The following ATP8B4 variants were observed in gnomAD, a reference collection of about 807,000 sequenced individuals.
ATP8B4 encodes probable phospholipid-transporting ATPase IM.
ATP8B4 carries 133 observed loss-of-function variants against 145.6 expected under a neutral mutation model. The ratio of observed to expected loss-of-function variants is 0.91; its 90% CI spans 0.79 to 1.05. The LOEUF (loss-of-function observed/expected upper bound fraction) is 1.05, where lower values mean the gene tolerates loss of function less well. ATP8B4 is among the 50% of genes least tolerant of loss of function. The probability of loss-of-function intolerance (pLI) is 0.00; values close to 1 mark genes in which losing one functional copy is unlikely to be tolerated. For synonymous variants in ATP8B4, 507 were observed against 492.9 expected (o/e 1.03, Z -0.38); for missense variants, 1,458 against 1,425.2 (o/e 1.02, Z -0.37).
At chr15:49,963,080 C>T (rs775099292) in intron 13 of ATP8B4, among the ~76,000 whole-genome samples, 25 of 151,694 alleles carry the variant, frequency 1.6e-4, no homozygotes, top group African/African-American at 2.4e-4. Flanking sequence ...AGAAAAAACC[C>T]GACAACCGCC....
In ATP8B4 at chr15:49,917,022, C is replaced by G; in HGVS notation, c.2053G>C (p.Gly685Arg). 1 of 1,613,880 alleles carries G rather than the reference C, an allele frequency of 6.2e-7. No homozygotes were observed. Residue 685 changes from glycine to arginine, a missense_variant, in exon 20 of 28, where the codon GGT becomes CGT. Coordinates refer to ENST00000284509, the MANE Select transcript of ATP8B4 (RefSeq NM_024837.4). ...GDKQETAINI[G>R]YACNMLTDDM... is the part of the protein sequence containing the mutation. ...TCAGTCAGCATGTTGCAGGCATAACCGATGTTGATGGCAGTTTCTAACACA... is the reference window on the plus strand; with the variant it reads ...TCAGTCAGCATGTTGCAGGCATAACGGATGTTGATGGCAGTTTCTAACACA...
At chr15:50,101,083 T>C (rs1288906183) in intron 2 of ATP8B4, among the ~76,000 whole-genome samples, 1 of 151,868 alleles carries the variant, frequency 6.6e-6, no homozygotes, top group Non-Finnish European at 1.5e-5. Flanking sequence ...TAAAAGAAAA[T>C]AAAGGAATTA....
At chr15:49,962,153 T>C (rs941470041) in intron 13 of ATP8B4, 133 bp from the exon 14 acceptor site, 2 of 667,968 alleles carry the variant, frequency 3.0e-6, no homozygotes, top group African/African-American at 1.9e-5. Flanking sequence ...AACAGGCGAA[T>C]GGTTTTAGGA....
chr15:50,077,238 G>A (rs1600224729), intron 2 of ATP8B4, among the ~76,000 whole-genome samples: 1 of 152,208 alleles, frequency 6.6e-6, no homozygotes, highest in African/African-American at 2.4e-5. Flanking sequence ...TGTTTAAAGT[G>A]GACTAAAAGA....
intron 21 of ATP8B4, among the ~76,000 whole-genome samples, chr15:49,900,615 A>G (rs2037914682): frequency 1.3e-5 from 2 of 152,224 alleles, no homozygotes; most frequent in Admixed American, 1.3e-4. Context: ...ATTGCTGTAA[A>G]ATGCTGCTAT....
chr15:50,113,816 G>A (rs1445439200), intron 1 of ATP8B4, among the ~76,000 whole-genome samples: 3 of 109,136 alleles, frequency 2.7e-5, no homozygotes, highest in Non-Finnish European at 5.0e-5. Flanking sequence ...TCCAGCCCGG[G>A]CAACAACACG....
intron 1 of ATP8B4, among the ~76,000 whole-genome samples, chr15:50,138,891 G>A (rs1039660460): frequency 3.9e-5 from 6 of 152,240 alleles, no homozygotes; most frequent in South Asian, 2.1e-4. Context: ...CTTAATTGCC[G>A]GTATAGGGGA....
At chr15:49,943,381 C>T (rs1157522023) in intron 14 of ATP8B4, among the ~76,000 whole-genome samples, 2 of 149,104 alleles carry the variant, frequency 1.3e-5, no homozygotes, top group Non-Finnish European at 3.0e-5. Context: ...CCAAAGATCA[C>T]CAAATTAAAT....
rs537511713 is a variant in ATP8B4 at position 50,116,740 on chromosome 15, C to T, written c.-43+2383G>A. ...TGTGGCCCTCCCTCTGTGACCTTTT[C>T]CCCTAGGCATCTAGTACAGTGCCCG... On this transcript the variant is annotated intron_variant, in intron 1 of 27. Coordinates refer to ENST00000284509, the MANE Select transcript of ATP8B4 (RefSeq NM_024837.4). Among the ~76,000 whole-genome samples the T allele has an allele frequency of 8.5e-5, 13 of 152,154 alleles. No individual in the cohort carries two copies. The East Asian group carries it at 2.3e-3, about 27-fold the overall frequency.
intron 6 of ATP8B4, among the ~76,000 whole-genome samples, chr15:50,032,547 T>A (rs537664949): frequency 6.6e-6 from 1 of 152,278 alleles, no homozygotes; most frequent in East Asian, 1.9e-4. Context: ...TGGGCAAATA[T>A]CCAGTAATGG....
chr15:49,881,660 C>A (rs2035442414), intron 23 of ATP8B4, among the ~76,000 whole-genome samples: 1 of 152,182 alleles, frequency 6.6e-6, no homozygotes, highest in African/African-American at 2.4e-5. Context: ...AGTCAGGCAA[C>A]CATGAGAACA....
At chr15:49,879,664 T>A in intron 23 of ATP8B4, 1 of 515,482 alleles carries the variant, frequency 1.9e-6, no homozygotes, top group Non-Finnish European at 3.4e-6. Context: ...AGTTTCTTTA[T>A]CTCTAAAGTG....
At chr15:50,158,045 G>A (rs533247299) in intron 1 of ATP8B4, among the ~76,000 whole-genome samples, 4 of 152,334 alleles carry the variant, frequency 2.6e-5, no homozygotes, top group Middle Eastern at 3.4e-3. Context: ...ACGGAGTCTC[G>A]TTCACTCAGT....
At position 49,954,288 on chromosome 15, in the gene ATP8B4, C is replaced by T. The variant is rs765258816; in HGVS notation, c.1287+7689G>A. ...ATACATATATCCTATTAGTTCTGTC[C>T]CTCTAGAGAACCCTGACTAATACAG... On this transcript the variant is annotated intron_variant, in intron 14 of 27. Transcript: ENST00000284509. 3.1e-4 allele frequency among the ~76,000 whole-genome samples: 47 copies of T among 151,898 alleles called. 1 individual carries two copies. The highest frequency in any genetic ancestry group is 3.2e-4 in the Non-Finnish European group (22 of 67,972).
intron 1 of ATP8B4, among the ~76,000 whole-genome samples, chr15:50,168,495 A>G (rs1174273477): frequency 6.6e-6 from 1 of 152,194 alleles, no homozygotes; most frequent in Non-Finnish European, 1.5e-5. Context: ...CGAGTGAAAT[A>G]CAGGGGTAGA....
Position 49,897,421 on chromosome 15 carries a change from C to G in ATP8B4, c.2568G>C (p.Arg856Ser), listed in dbSNP as rs761687861. 9 of 1,613,902 alleles carry G rather than the reference C, an allele frequency of 5.6e-6. No homozygotes were observed. Among genetic ancestry groups the G allele is most frequent in the South Asian group, 5.5e-5 (5 of 91,056 alleles). Residue 856 changes from arginine (R) to serine (S), a missense_variant, in exon 23 of 28, where the codon AGG becomes AGC. Coordinates refer to ENST00000284509, the MANE Select transcript of ATP8B4 (RefSeq NM_024837.4). ...YSFAQFRYLQ[R>S]LLLVHGRWSY... Reference sequence around the variant, plus strand: ...ACCACCTTCCATGAACAAGGAGAAGCCTTTGGAGATATCTAAACTGTGCAA... The same window carrying G: ...ACCACCTTCCATGAACAAGGAGAAGGCTTTGGAGATATCTAAACTGTGCAA...
chr15:50,016,378 AC>A (rs2049089421), intron 6 of ATP8B4, among the ~76,000 whole-genome samples: 1 of 152,206 alleles, frequency 6.6e-6, no homozygotes, highest in African/African-American at 2.4e-5. Flanking sequence ...AGCTAGAGGA[AC>A]TATCTTAGAT....
At chr15:49,928,901 G>A (rs1394488118) in intron 16 of ATP8B4, among the ~76,000 whole-genome samples, 6 of 152,040 alleles carry the variant, frequency 3.9e-5, no homozygotes, top group Non-Finnish European at 8.8e-5. Context: ...GGAAAATAAT[G>A]GATAGTATTT....
intron 25 of ATP8B4, among the ~76,000 whole-genome samples, chr15:49,873,049 A>G (rs2033890807): frequency 6.6e-6 from 1 of 152,248 alleles, no homozygotes; most frequent in African/African-American, 2.4e-5. Context: ...TTTTTTAAAG[A>G]AATTATTCCT....
Sources: gnomAD v4.1 joint callset for allele counts (sites outside exome capture counted in the v4.1 genomes callset) on GRCh38, gnomAD v4.1.1 for gene constraint, MANE v1.5 for transcripts, NCBI Gene and HGNC (gene_info 2026-07-23, HGNC 2026-07-21) for gene names.